FOXP2: variants seen among roughly 807,000 people sequenced by gnomAD.
The protein encoded by FOXP2 is forkhead box P2.
Under a neutral mutation model 115.8 loss-of-function variants are expected in FOXP2, and 12 were observed. The ratio of observed to expected loss-of-function variants is 0.10; its 90% CI spans 0.07 to 0.17. FOXP2 has a LOEUF of 0.17. FOXP2 is among the 10% of genes least tolerant of loss of function. The pLI, the probability that FOXP2 is intolerant of heterozygous loss-of-function variation, is 1.00. For missense variants in FOXP2, 629 were observed against 843.5 expected (o/e 0.75, Z 3.15); for synonymous variants, 328 against 297.7 (o/e 1.10, Z -1.05).
chr7:114,631,053 A>C (rs1804883239), intron 5 of FOXP2: 1 of 160,810 alleles, frequency 6.2e-6, no homozygotes, highest in Non-Finnish European at 1.4e-5. Flanking sequence ...AGAGAGGAGA[A>C]GAGAGAGAGA....
intron 2 of FOXP2, among the ~76,000 whole-genome samples, chr7:114,435,794 C>G (rs891994605): frequency 2.6e-5 from 4 of 152,170 alleles, no homozygotes; most frequent in African/African-American, 4.8e-5. Flanking sequence ...CCACCTTGGC[C>G]TCCCAAAGTT....
intron 2 of FOXP2, among the ~76,000 whole-genome samples, chr7:114,385,688 C>T (rs548358579): frequency 2.6e-4 from 40 of 152,312 alleles, no homozygotes; most frequent in African/African-American, 8.2e-4. Context: ...GTATTTTCCT[C>T]CAGTTCTAAG....
intron 3 of FOXP2, among the ~76,000 whole-genome samples, chr7:114,548,773 G>T (rs759875182): frequency 2.0e-5 from 3 of 152,166 alleles, no homozygotes; most frequent in African/African-American, 7.2e-5. Context: ...GCTGATGAGG[G>T]ATTCTGATGG....
intron 3 of FOXP2, among the ~76,000 whole-genome samples, chr7:114,615,174 G>A (rs1159396413): frequency 7.9e-5 from 12 of 152,072 alleles, no homozygotes; most frequent in African/African-American, 1.4e-4. Context: ...AGCCGAGATC[G>A]TGCCACTGCA....
chr7:114,541,147 T>C (rs1047774143), intron 3 of FOXP2, among the ~76,000 whole-genome samples: 3 of 152,000 alleles, frequency 2.0e-5, no homozygotes, highest in Admixed American at 1.3e-4. Flanking sequence ...TTTGAGGAGA[T>C]GGCAAGACAA....
chr7:114,626,052 A>C (rs1434681393), intron 3 of FOXP2, among the ~76,000 whole-genome samples: 1 of 151,728 alleles, frequency 6.6e-6, no homozygotes, highest in Non-Finnish European at 1.5e-5. Context: ...ATCTGATTAA[A>C]ATTTTAAAAA....
intron 3 of FOXP2, among the ~76,000 whole-genome samples, chr7:114,581,292 T>A (rs767881070): frequency 1.3e-5 from 2 of 151,640 alleles, no homozygotes; most frequent in Non-Finnish European, 2.9e-5. Flanking sequence ...TAAGCGATCC[T>A]CCCTCCTCAG....
At position 114,690,718 on chromosome 7, in the gene FOXP2, T is replaced by G; in HGVS notation, c.*792T>G. On this transcript the variant is annotated 3_prime_UTR_variant, in exon 17 of 17. Coordinates refer to ENST00000350908, the MANE Select transcript of FOXP2 (RefSeq NM_014491.4). Reference sequence around the variant, plus strand: ...TCCTTGTGATAAAGCTTTGTCTACCTGCAAACACAGTCAAAGGCTACAGCT... The same window carrying G: ...TCCTTGTGATAAAGCTTTGTCTACCGGCAAACACAGTCAAAGGCTACAGCT... 1 of 454,516 alleles carries G rather than the reference T, an allele frequency of 2.2e-6. No homozygotes were observed. Among genetic ancestry groups the G allele is most frequent in the Non-Finnish European group, 4.4e-6 (1 of 226,776 alleles). The allele number at this position is 454,516 out of a possible 1,614,324, so 28.2% of individuals were successfully genotyped here.
chr7:114,330,059 A>T (rs909977798), intron 2 of FOXP2, among the ~76,000 whole-genome samples: 1 of 152,038 alleles, frequency 6.6e-6, no homozygotes, highest in African/African-American at 2.4e-5. Flanking sequence ...GATTTATATA[A>T]TTTTTCATCA....
At chr7:114,592,175 A>G (rs1180314274) in intron 3 of FOXP2, among the ~76,000 whole-genome samples, 1 of 152,148 alleles carries the variant, frequency 6.6e-6, no homozygotes, top group Non-Finnish European at 1.5e-5. Context: ...TTATCATTAC[A>G]TGAAATAGCA....
intron 10 of FOXP2, among the ~76,000 whole-genome samples, chr7:114,655,729 A>G (rs1806551372): frequency 2.0e-5 from 3 of 152,156 alleles, no homozygotes; most frequent in Non-Finnish European, 4.4e-5. Flanking sequence ...AATAGCATGA[A>G]TTTATTACCA....
intron 2 of FOXP2, among the ~76,000 whole-genome samples, chr7:114,474,679 A>G (rs1182646529): frequency 2.6e-5 from 4 of 152,190 alleles, no homozygotes; most frequent in Admixed American, 2.6e-4. Context: ...ATAAACCATT[A>G]TAGACCTGAC....
At position 114,622,128 on chromosome 7, in the gene FOXP2, A is replaced by G. The variant is rs184265606; in HGVS notation, c.259-6412A>G. Reference sequence around the variant, plus strand: ...GTAGAGTTCAGTGTAAAGCGCAAAAAGCTGAGAGACTGTAATATCTGAGGT... The same window carrying G: ...GTAGAGTTCAGTGTAAAGCGCAAAAGGCTGAGAGACTGTAATATCTGAGGT... On this transcript the variant is annotated intron_variant, in intron 3 of 16. Transcript: ENST00000350908. Among the ~76,000 whole-genome samples, 243 of 152,078 alleles carry G rather than the reference A, an allele frequency of 1.6e-3. 1 individual carries two copies. The highest frequency in any genetic ancestry group is 0.014 in the Middle Eastern group (4 of 294).
upstream of FOXP2, among the ~76,000 whole-genome samples, chr7:114,412,450 T>C (rs1185788047): frequency 6.6e-6 from 1 of 152,154 alleles, no homozygotes; most frequent in Non-Finnish European, 1.5e-5. Flanking sequence ...AACAAATGAC[T>C]TGACAAAATG....
intron 2 of FOXP2, among the ~76,000 whole-genome samples, chr7:114,470,513 C>T (rs4727799): frequency 0.75 from 113,449 of 151,962 alleles, 43,936 homozygotes; most frequent in East Asian, 0.94. Context: ...ATTTATGAGA[C>T]CAGAGATTAT....
At chr7:114,681,256 G>A (rs1190687518) in intron 16 of FOXP2, among the ~76,000 whole-genome samples, 1 of 152,140 alleles carries the variant, frequency 6.6e-6, no homozygotes, top group African/African-American at 2.4e-5. Flanking sequence ...GTCAAAGTGA[G>A]ATAGATGCTC....
intron 3 of FOXP2, among the ~76,000 whole-genome samples, chr7:114,585,961 T>C (rs939940116): frequency 1.3e-5 from 2 of 152,204 alleles, no homozygotes; most frequent in African/African-American, 4.8e-5. Context: ...TGTGTTTTCA[T>C]GGTCTATGAA....
chr7:114,510,330 T>C (rs1297063946), intron 2 of FOXP2, among the ~76,000 whole-genome samples: 1 of 152,184 alleles, frequency 6.6e-6, no homozygotes, highest in Non-Finnish European at 1.5e-5. Flanking sequence ...GGCCAGTATT[T>C]ATTCCATTCA....
In FOXP2 at chr7:114,647,733, C is replaced by G. The variant is rs527382317; in HGVS notation, c.1094+2944C>G. Among the ~76,000 whole-genome samples, 6 of 152,040 alleles carry G rather than the reference C, an allele frequency of 3.9e-5. No individual in the cohort carries two copies. The East Asian group carries it at 1.2e-3, about 29-fold the overall frequency. ...CAAAGAGTAATAACATCTGACAAAA[C>G]TTTAGAGTAGTTTGTCTGCAAAATT... On this transcript the variant is annotated intron_variant, in intron 8 of 16. Coordinates refer to ENST00000350908, the MANE Select transcript of FOXP2 (RefSeq NM_014491.4).
Sources: gnomAD v4.1 joint callset for allele counts (sites outside exome capture counted in the v4.1 genomes callset) on GRCh38, gnomAD v4.1.1 for gene constraint, MANE v1.5 for transcripts, NCBI Gene and HGNC (gene_info 2026-07-23, HGNC 2026-07-21) for gene names.